Variants in VGLL4 observed in about 807,000 individuals in gnomAD.
The protein encoded by VGLL4 is vestigial like family member 4.
VGLL4 carries 7 observed loss-of-function variants against 21.0 expected under a neutral mutation model. The ratio of observed to expected loss-of-function variants is 0.33; its 90% CI spans 0.19 to 0.63. The LOEUF (loss-of-function observed/expected upper bound fraction) is 0.63, where lower values mean the gene tolerates loss of function less well. Ranked by LOEUF, VGLL4 falls within the 20% of genes least tolerant of loss-of-function variation. The pLI is 0.78. For synonymous variants in VGLL4, 222 were observed against 173.2 expected (o/e 1.28, Z -2.21); for missense variants, 394 against 425.7 (o/e 0.93, Z 0.66).
intron 1 of VGLL4, among the ~76,000 whole-genome samples, chr3:11,717,107 A>C (rs550783593): frequency 3.9e-5 from 6 of 151,984 alleles, no homozygotes; most frequent in Non-Finnish European, 7.4e-5. Context: ...TTCTTGTTTG[A>C]GCTCTCATGC....
At chr3:11,651,130 G>A (rs939493149) in intron 2 of VGLL4, among the ~76,000 whole-genome samples, 3 of 152,116 alleles carry the variant, frequency 2.0e-5, no homozygotes, top group African/African-American at 7.2e-5. Flanking sequence ...ATCACCTGAG[G>A]TCAGGAGTTC....
At chr3:11,644,496 G>A (rs573700934), upstream of VGLL4, among the ~76,000 whole-genome samples, 7 of 152,056 alleles carry the variant, frequency 4.6e-5, no homozygotes, top group Middle Eastern at 3.2e-3. Context: ...CTGGCCCACA[G>A]CCCCCAAAAT....
chr3:11,659,326 C>CTT (rs5846714), intron 2 of VGLL4, among the ~76,000 whole-genome samples: 91 of 70,796 alleles, frequency 1.3e-3, no homozygotes, highest in Admixed American at 1.6e-3. Flanking sequence ...TTTTCTTTTT[C>CTT]TTTTTTTTTT....
In VGLL4 at chr3:11,643,460, T is replaced by C. The variant is rs767135100; in HGVS notation, c.59A>G (p.Asn20Ser). Residue 20 changes from asparagine to serine, a missense_variant, in exon 1 of 5, where the codon AAT becomes AGT. By Grantham distance (46) the Asn-to-Ser change is conservative. Transcript: ENST00000430365. Reference protein sequence around the residue: ...NYQYLDKMNNNIGILCYEGEA... With the variant: ...NYQYLDKMNNSIGILCYEGEA... ...ACCTTCGTAGCACAGAATGCCGATA[T>C]TGTTGTTCATCTTGTCCAAGTACTG... The C allele has an allele frequency of 1.9e-5, 31 of 1,613,880 alleles. No homozygotes were observed. Among genetic ancestry groups the C allele is most frequent in the Non-Finnish European group, 2.4e-5 (28 of 1,179,886 alleles).
At chr3:11,623,325 T>C (rs1171534961) in intron 1 of VGLL4, among the ~76,000 whole-genome samples, 1 of 152,188 alleles carries the variant, frequency 6.6e-6, no homozygotes, top group Admixed American at 6.5e-5. Flanking sequence ...CTTTGGTATA[T>C]ATACTCAGGG....
intron 1 of VGLL4, among the ~76,000 whole-genome samples, chr3:11,711,406 T>C (rs2076842707): frequency 6.6e-6 from 1 of 151,154 alleles, no homozygotes. Flanking sequence ...CGACTAAAAG[T>C]ACAAAAAATT....
At chr3:11,708,852 G>T (rs534921945) in intron 1 of VGLL4, among the ~76,000 whole-genome samples, 37 of 152,078 alleles carry the variant, frequency 2.4e-4, no homozygotes, top group Admixed American at 1.6e-3. Context: ...ACTTGAGGGT[G>T]GGGGTTCGAG....
chr3:11,708,903 AAC>A (rs999286165), intron 1 of VGLL4, among the ~76,000 whole-genome samples: 2 of 151,840 alleles, frequency 1.3e-5, no homozygotes, highest in Non-Finnish European at 2.9e-5. Flanking sequence ...CTCTACTAAA[AAC>A]ACAAAAACTA....
intron 2 of VGLL4, among the ~76,000 whole-genome samples, chr3:11,695,032 C>T (rs1188555502): frequency 3.3e-5 from 5 of 150,656 alleles, no homozygotes; most frequent in African/African-American, 7.3e-5. Context: ...ATTGTACTTA[C>T]GTAAGGGAAT....
At chr3:11,680,329 T>C (rs2076351172) in intron 2 of VGLL4, among the ~76,000 whole-genome samples, 1 of 152,220 alleles carries the variant, frequency 6.6e-6, no homozygotes, top group Non-Finnish European at 1.5e-5. Flanking sequence ...TGAGCTGTTT[T>C]CCACAGCAGC....
chr3:11,673,580 G>T (rs1355071989), intron 2 of VGLL4, among the ~76,000 whole-genome samples: 1 of 152,120 alleles, frequency 6.6e-6, no homozygotes, highest in African/African-American at 2.4e-5. Context: ...GATTGAAGGG[G>T]TTTACTGAGT....
upstream of VGLL4, among the ~76,000 whole-genome samples, chr3:11,644,229 T>G (rs898002195): frequency 7.2e-5 from 11 of 152,200 alleles, no homozygotes; most frequent in Non-Finnish European, 1.5e-4. Context: ...GGAATGCAAC[T>G]TTCGTGAAAC....
At chr3:11,574,121 G>T (rs1173442781) in intron 2 of VGLL4, among the ~76,000 whole-genome samples, 16 of 152,178 alleles carry the variant, frequency 1.1e-4, no homozygotes, top group Admixed American at 1.0e-3. Flanking sequence ...CAGGAACGGT[G>T]AGACAATACG....
intron 2 of VGLL4, among the ~76,000 whole-genome samples, chr3:11,689,029 A>G (rs770138436): frequency 2.0e-5 from 3 of 152,088 alleles, no homozygotes; most frequent in African/African-American, 7.2e-5. Flanking sequence ...TCAAAAAAAA[A>G]AGAGAGAGAG....
At chr3:11,626,034 G>A (rs2075346165) in intron 1 of VGLL4, among the ~76,000 whole-genome samples, 1 of 152,122 alleles carries the variant, frequency 6.6e-6, no homozygotes. Flanking sequence ...ACGAATGAAT[G>A]GCATGGTGTA....
At chr3:11,634,333 A>G (rs2075544385) in intron 1 of VGLL4, among the ~76,000 whole-genome samples, 1 of 151,842 alleles carries the variant, frequency 6.6e-6, no homozygotes. Context: ...CCTCTCCCTC[A>G]TCCGCTGTTC....
At chr3:11,623,703 A>G (rs1702451787) in intron 1 of VGLL4, among the ~76,000 whole-genome samples, 1 of 152,064 alleles carries the variant, frequency 6.6e-6, no homozygotes, top group African/African-American at 2.4e-5. Context: ...TCATATGTAA[A>G]GCAAAAGTGG....
chr3:11,679,568 T>A (rs1189788930), intron 2 of VGLL4, among the ~76,000 whole-genome samples: 2 of 151,844 alleles, frequency 1.3e-5, no homozygotes, highest in Non-Finnish European at 2.9e-5. Context: ...CTGTAATCCC[T>A]GCTACTCGGG....
intron 2 of VGLL4, among the ~76,000 whole-genome samples, chr3:11,579,627 A>T (rs1234491683): frequency 6.6e-6 from 1 of 152,096 alleles, no homozygotes; most frequent in Non-Finnish European, 1.5e-5. Context: ...TTCAACACTG[A>T]AGTGGCATCT....
Sources: gnomAD v4.1 joint callset for allele counts (sites outside exome capture counted in the v4.1 genomes callset) on GRCh38, gnomAD v4.1.1 for gene constraint, MANE v1.5 for transcripts, NCBI Gene and HGNC (gene_info 2026-07-23, HGNC 2026-07-21) for gene names.